The following GALNT13 variants were observed in gnomAD, a reference collection of about 807,000 sequenced individuals.
GALNT13 encodes the protein UDP-GalNAc:polypeptide N-acetylgalactosaminyltransferase 13.
GALNT13 carries 28 observed loss-of-function variants against 64.2 expected under a neutral mutation model. That is an observed-to-expected ratio of 0.44 (90% CI 0.32 to 0.60). GALNT13 has a LOEUF of 0.60. Among genes scored for constraint, GALNT13 ranks in the 20% least tolerant of loss-of-function variants. The pLI, the probability that GALNT13 is intolerant of heterozygous loss-of-function variation, is 0.05. For synonymous variants in GALNT13, 214 were observed against 224.6 expected, an observed-to-expected ratio of 0.95 and a Z score of 0.42; for missense variants, 577 against 669.8, an observed-to-expected ratio of 0.86 and a Z score of 1.53.
chr2:153,503,046 C>A, the GALNT13 span, among the ~76,000 whole-genome samples: 22 of 152,086 alleles, frequency 1.4e-4, no homozygotes. Flanking sequence ...GTTAACTCTG[C>A]TGATTATTTC....
At chr2:153,600,217 T>A in the GALNT13 span, among the ~76,000 whole-genome samples, 1 of 152,062 alleles carries the variant, frequency 6.6e-6, no homozygotes, top group East Asian at 1.9e-4. Flanking sequence ...CATTTATTTT[T>A]GTCTATCTTG....
chr2:154,342,917 C>G (rs370634816), intron 9 of GALNT13, among the ~76,000 whole-genome samples: 3 of 151,766 alleles, frequency 2.0e-5, no homozygotes, highest in African/African-American at 4.8e-5. Context: ...CTCACTGTTT[C>G]ATTTGCCTGA....
At chr2:153,655,037 A>G in the GALNT13 span, among the ~76,000 whole-genome samples, 1 of 152,170 alleles carries the variant, frequency 6.6e-6, no homozygotes, top group Non-Finnish European at 1.5e-5. Flanking sequence ...ACATGTAACT[A>G]GTATAACTTG....
At chr2:154,430,956 T>C (rs1199109417) in intron 11 of GALNT13, among the ~76,000 whole-genome samples, 1 of 152,212 alleles carries the variant, frequency 6.6e-6, no homozygotes, top group African/African-American at 2.4e-5. Context: ...ACAATGCTAC[T>C]GCACGCTTAA....
At chr2:153,768,414 A>G in the GALNT13 span, among the ~76,000 whole-genome samples, 1 of 152,000 alleles carries the variant, frequency 6.6e-6, no homozygotes, top group Non-Finnish European at 1.5e-5. Context: ...CTATTATTGT[A>G]TTGCTATCAG....
At chr2:153,937,208 A>G (rs1323398347) in intron 2 of GALNT13, among the ~76,000 whole-genome samples, 2 of 152,210 alleles carry the variant, frequency 1.3e-5, no homozygotes, top group Non-Finnish European at 2.9e-5. Flanking sequence ...ATTTTTCATA[A>G]TAGTCAAAAG....
At chr2:154,302,437 C>T (rs1693496803) in intron 9 of GALNT13, among the ~76,000 whole-genome samples, 1 of 152,156 alleles carries the variant, frequency 6.6e-6, no homozygotes, top group South Asian at 2.1e-4. Context: ...AGGCCTACAT[C>T]CTCTTTCTGT....
the GALNT13 span, among the ~76,000 whole-genome samples, chr2:153,607,420 G>C: frequency 6.6e-6 from 1 of 152,002 alleles, no homozygotes; most frequent in African/African-American, 2.4e-5. Flanking sequence ...TATGTTATCA[G>C]AGAAAATCCA....
At chr2:154,350,253 A>G (rs1248139829) in intron 9 of GALNT13, among the ~76,000 whole-genome samples, 1 of 152,254 alleles carries the variant, frequency 6.6e-6, no homozygotes, top group East Asian at 1.9e-4. Context: ...GAGTCAGTGG[A>G]CTGGGCGAGG....
the GALNT13 span, among the ~76,000 whole-genome samples, chr2:153,616,194 C>T: frequency 6.6e-6 from 1 of 151,636 alleles, no homozygotes; most frequent in Admixed American, 6.6e-5. Context: ...ATTGAAGAGA[C>T]AGCTTTTTCC....
the GALNT13 span, among the ~76,000 whole-genome samples, chr2:153,293,761 T>TTGTG: frequency 7.0e-4 from 73 of 104,810 alleles, no homozygotes; most frequent in South Asian, 0.012. Flanking sequence ...TTTTTTCTGT[T>TTGTG]TGTGTGTGTG....
At chr2:153,210,507 G>A in the GALNT13 span, among the ~76,000 whole-genome samples, 1 of 152,088 alleles carries the variant, frequency 6.6e-6, no homozygotes, top group Non-Finnish European at 1.5e-5. Context: ...AACACTAGTG[G>A]ATCATGATAT....
chr2:153,991,903 A>G (rs535625083), intron 3 of GALNT13, among the ~76,000 whole-genome samples: 2 of 152,238 alleles, frequency 1.3e-5, no homozygotes, highest in Non-Finnish European at 2.9e-5. Flanking sequence ...GATCACTCCT[A>G]TTTTACTAAG....
At chr2:153,278,186 G>A in the GALNT13 span, among the ~76,000 whole-genome samples, 1 of 151,762 alleles carries the variant, frequency 6.6e-6, no homozygotes, top group East Asian at 1.9e-4. Context: ...GTCCGCCTCG[G>A]CCTCCCAAAG....
the GALNT13 span, among the ~76,000 whole-genome samples, chr2:153,174,467 ATT>A: frequency 0.2 from 26,748 of 136,434 alleles, 2,562 homozygotes; most frequent in Non-Finnish European, 0.25. Flanking sequence ...CACATTTTCT[ATT>A]TTTTTTTTTT....
the GALNT13 span, among the ~76,000 whole-genome samples, chr2:153,540,642 C>T: frequency 6.6e-6 from 1 of 152,228 alleles, no homozygotes; most frequent in Non-Finnish European, 1.5e-5. Context: ...GCCGCAGGGG[C>T]AGAACTGCCC....
chr2:153,344,891 A>C, the GALNT13 span, among the ~76,000 whole-genome samples: 15 of 152,220 alleles, frequency 9.9e-5, no homozygotes, highest in Admixed American at 2.0e-4. Context: ...TTTCTCAAGC[A>C]TATCTCAATA....
chr2:154,053,077 G>C (rs1213615717), intron 3 of GALNT13, among the ~76,000 whole-genome samples: 4 of 151,968 alleles, frequency 2.6e-5, no homozygotes, highest in East Asian at 1.9e-4. Flanking sequence ...TTTTCCTTTA[G>C]ATAAATCTTA....
At chr2:153,968,650 G>A (rs1032583919) in intron 3 of GALNT13, among the ~76,000 whole-genome samples, 4 of 152,130 alleles carry the variant, frequency 2.6e-5, no homozygotes, top group Admixed American at 1.3e-4. Context: ...TGGTCAGTTC[G>A]TTCTACCTTC....
Sources: gnomAD v4.1 joint callset for allele counts (sites outside exome capture counted in the v4.1 genomes callset) on GRCh38, gnomAD v4.1.1 for gene constraint, MANE v1.5 for transcripts, NCBI Gene and HGNC (gene_info 2026-07-23, HGNC 2026-07-21) for gene names.